ANK2: variants seen among roughly 807,000 people sequenced by gnomAD.
The protein encoded by ANK2 is ankyrin 2.
ANK2 carries 83 observed loss-of-function variants against 360.5 expected under a neutral mutation model. The ratio of observed to expected loss-of-function variants is 0.23; its 90% CI spans 0.19 to 0.28. ANK2 has a LOEUF of 0.28. Among genes scored for constraint, ANK2 ranks in the 10% least tolerant of loss-of-function variants. The probability of loss-of-function intolerance (pLI) is 1.00; values close to 1 mark genes in which losing one functional copy is unlikely to be tolerated. For missense variants in ANK2, 4,201 were observed against 4,795.7 expected, an observed-to-expected ratio of 0.88 and a Z score of 3.66; for synonymous variants, 1,740 against 1,759.5, an observed-to-expected ratio of 0.99 and a Z score of 0.28.
chr4:112,935,484 C>T (rs2093649370), intron 2 of ANK2, among the ~76,000 whole-genome samples: 2 of 152,112 alleles, frequency 1.3e-5, no homozygotes, highest in Admixed American at 1.3e-4. Context: ...GTCTTTTCTT[C>T]TCAGTTCTGT....
chr4:112,978,253 A>G (rs899115650), intron 2 of ANK2, among the ~76,000 whole-genome samples: 4 of 152,194 alleles, frequency 2.6e-5, no homozygotes, highest in African/African-American at 9.7e-5. Context: ...CAAGAAAAAA[A>G]AAAAAGTTTG....
intron 1 of ANK2, among the ~76,000 whole-genome samples, chr4:113,096,869 C>T (rs1390912550): frequency 6.6e-6 from 1 of 151,902 alleles, no homozygotes; most frequent in African/African-American, 2.4e-5. Flanking sequence ...CTCATTCTAC[C>T]AGTCCACACA....
At chr4:113,180,399 A>G (rs2098377656) in intron 2 of ANK2, among the ~76,000 whole-genome samples, 1 of 152,232 alleles carries the variant, frequency 6.6e-6, no homozygotes, top group African/African-American at 2.4e-5. Context: ...CTCAATAAAT[A>G]CTTGTGAAAA....
chr4:113,120,352 T>C (rs1404087632), intron 1 of ANK2, among the ~76,000 whole-genome samples: 4 of 152,174 alleles, frequency 2.6e-5, no homozygotes, highest in African/African-American at 9.7e-5. Flanking sequence ...TTTGCCAGTT[T>C]TTATGTTGGA....
chr4:112,911,780 T>A (rs541321289), intron 2 of ANK2, among the ~76,000 whole-genome samples: 9 of 152,346 alleles, frequency 5.9e-5, no homozygotes, highest in African/African-American at 1.9e-4. Flanking sequence ...TAGAGAATAT[T>A]TGAGTTAGCT....
At chr4:112,755,952 G>T in the ANK2 span, 3 of 151,792 alleles carry the variant, frequency 2.0e-5, no homozygotes, top group African/African-American at 7.3e-5. Context: ...TTAAGACACA[G>T]TCATTGGCCG....
intron 1 of ANK2, chr4:113,151,042 A>T: frequency 2.4e-6 from 3 of 1,272,222 alleles, no homozygotes; most frequent in Non-Finnish European, 3.1e-6. Flanking sequence ...AAATCACCCA[A>T]AGTAGCAAAT....
At chr4:113,069,070 AAAG>A (rs1207161175) in intron 1 of ANK2, among the ~76,000 whole-genome samples, 3 of 151,530 alleles carry the variant, frequency 2.0e-5, no homozygotes, top group African/African-American at 7.2e-5. Context: ...AAAGAAAAGA[AAAG>A]AAGAGAAAAG....
Position 113,232,177 on chromosome 4 carries a change from T to C in ANK2, c.401T>C (p.Leu134Ser). 2 of 1,600,052 alleles carry C rather than the reference T, an allele frequency of 1.2e-6. No individual in the cohort carries two copies. Among genetic ancestry groups the C allele is most frequent in the Non-Finnish European group, 1.7e-6 (2 of 1,167,240 alleles). The change falls in exon 5 of 46, where the codon TTA becomes TCA. Residue 134 changes from leucine (L) to serine (S), a missense_variant. By Grantham distance (145) the Leu-to-Ser change is moderately radical. Coordinates refer to ENST00000357077, the MANE Select transcript of ANK2 (RefSeq NM_001148.6). ...TGTCCTCAGAATGGCTTTACTCCTT[T>C]ATACATGGCTGCCCAAGAGAATCAC... The part of the protein sequence containing the change: ...NAQSQNGFTP[L>S]YMAAQENHID...
chr4:113,314,495 CAAGTAA>C (rs2081745988), intron 24 of ANK2, among the ~76,000 whole-genome samples: 1 of 152,140 alleles, frequency 6.6e-6, no homozygotes, highest in South Asian at 2.1e-4. Flanking sequence ...AGATGAACAG[CAAGTAA>C]AACTTTACAC....
intron 1 of ANK2, among the ~76,000 whole-genome samples, chr4:112,844,357 A>AT (rs1269549411): frequency 6.6e-6 from 1 of 152,172 alleles, no homozygotes; most frequent in Non-Finnish European, 1.5e-5. Flanking sequence ...GACAACGATT[A>AT]TATTTTATCA....
At chr4:113,066,343 CT>C (rs1352470878) in intron 1 of ANK2, among the ~76,000 whole-genome samples, 1 of 152,138 alleles carries the variant, frequency 6.6e-6, no homozygotes, top group Non-Finnish European at 1.5e-5. Flanking sequence ...GGTGGGGTGC[CT>C]TTTATTCATC....
At position 113,135,746 on chromosome 4, in the gene ANK2, A is replaced by C. The variant is rs1244235235; in HGVS notation, c.85-38670A>C. Among the ~76,000 whole-genome samples the C allele has an allele frequency of 4.2e-4, 64 of 152,114 alleles. 1 individual carries two copies. On this transcript the variant is annotated intron_variant, in intron 1 of 45. Transcript: ENST00000357077. The stretch of plus-strand genomic sequence containing the variant: ...CATGGCTACTGATGCTTTTGTGGCC[A>C]TTGGCATTTTTGTTCTTTTCATTCC...
intron 4 of ANK2, among the ~76,000 whole-genome samples, chr4:113,218,376 T>G (rs775131429): frequency 1.3e-4 from 20 of 151,978 alleles, no homozygotes; most frequent in Non-Finnish European, 2.4e-4. Context: ...AGTATATTTG[T>G]GTCAGAATGC....
At chr4:113,160,332 C>G (rs1342829926) in intron 1 of ANK2, 1 of 420,372 alleles carries the variant, frequency 2.4e-6, no homozygotes, top group African/African-American at 2.1e-5. Flanking sequence ...TCTCAAAGTG[C>G]TAGGATTACA....
intron 2 of ANK2, among the ~76,000 whole-genome samples, chr4:113,016,681 A>G (rs1253416746): frequency 6.6e-6 from 1 of 152,160 alleles, no homozygotes; most frequent in East Asian, 1.9e-4. Context: ...AGCTACCTTC[A>G]AGACACAAAG....
chr4:112,832,485 A>G (rs1254778402), intron 1 of ANK2, among the ~76,000 whole-genome samples: 3 of 152,210 alleles, frequency 2.0e-5, no homozygotes, highest in Non-Finnish European at 4.4e-5. Flanking sequence ...AGGAAAGACT[A>G]TTGTTTCTTC....
intron 1 of ANK2, among the ~76,000 whole-genome samples, chr4:113,084,274 G>C (rs554266553): frequency 5.3e-5 from 8 of 152,302 alleles, no homozygotes; most frequent in African/African-American, 1.9e-4. Flanking sequence ...GTCTTCCATG[G>C]AGTAGTCATT....
chr4:112,859,435 G>C (rs2067295581), intron 1 of ANK2, among the ~76,000 whole-genome samples: 2 of 152,120 alleles, frequency 1.3e-5, no homozygotes, highest in Admixed American at 6.5e-5. Context: ...TCTGGATTTG[G>C]GAAGAGTGAG....
Sources: gnomAD v4.1 joint callset for allele counts (sites outside exome capture counted in the v4.1 genomes callset) on GRCh38, gnomAD v4.1.1 for gene constraint, MANE v1.5 for transcripts, NCBI Gene and HGNC (gene_info 2026-07-23, HGNC 2026-07-21) for gene names.